KAZN: variants seen among roughly 807,000 people sequenced by gnomAD.
KAZN encodes the protein kazrin, periplakin interacting protein.
A neutral mutation model predicts 87.4 loss-of-function variants in KAZN; 40 were observed. That is an observed-to-expected ratio of 0.46 (90% confidence interval 0.36 to 0.60). KAZN has a LOEUF of 0.60. KAZN is among the 20% of genes least tolerant of loss of function. The pLI, the probability that KAZN is intolerant of heterozygous loss-of-function variation, is 0.00. For missense variants in KAZN, 898 were observed against 1,073.9 expected, an observed-to-expected ratio of 0.84 and a Z score of 2.29; for synonymous variants, 466 against 458.3, an observed-to-expected ratio of 1.02 and a Z score of -0.22.
At chr1:14,999,591 G>T (rs1004236704) in intron 2 of KAZN, among the ~76,000 whole-genome samples, 1 of 151,634 alleles carries the variant, frequency 6.6e-6, no homozygotes, top group African/African-American at 2.4e-5. Flanking sequence ...GGAGGGAGCT[G>T]CCCCGATCCA....
intron 1 of KAZN, among the ~76,000 whole-genome samples, chr1:14,150,006 C>T (rs1036330806): frequency 1.3e-5 from 2 of 152,140 alleles, no homozygotes; most frequent in African/African-American, 4.8e-5. Context: ...CTAGTCATAA[C>T]GCAACAGCAG....
At chr1:14,073,674 G>A (rs1643333655) in intron 1 of KAZN, among the ~76,000 whole-genome samples, 1 of 152,060 alleles carries the variant, frequency 6.6e-6, no homozygotes, top group African/African-American at 2.4e-5. Flanking sequence ...TCTTGTGTTA[G>A]TTTGCTGAGA....
In KAZN at chr1:15,116,872, A is replaced by G. The variant is rs1476356; in HGVS notation, c.*2237A>G. The G allele has an allele frequency of 0.95, 145,124 of 152,314 alleles. 69,181 individuals are homozygous for G. Among genetic ancestry groups the G allele is most frequent in the South Asian group, 0.99 (4,798 of 4,832 alleles). 9.4% of individuals were successfully genotyped at this position (152,314 alleles called of 1,614,324 possible). A position where few individuals can be genotyped will look rare whatever the true frequency, so the allele number is the denominator to read the frequency against. ...ACAATTGGGGGTCACTGGCAGAGACAGTATTGCCCAAAATGTTCACAGCAG... is the reference window on the plus strand; with the variant it reads ...ACAATTGGGGGTCACTGGCAGAGACGGTATTGCCCAAAATGTTCACAGCAG... On this transcript the variant is annotated 3_prime_UTR_variant, in exon 15 of 15. Transcript: ENST00000376030.
intron 1 of KAZN, among the ~76,000 whole-genome samples, chr1:14,110,392 T>A (rs956929540): frequency 2.0e-5 from 3 of 152,216 alleles, no homozygotes; most frequent in Admixed American, 6.5e-5. Context: ...CTCTAAGAAT[T>A]TAGACTTGAG....
chr1:14,338,929 G>A (rs1235275432), intron 2 of KAZN, among the ~76,000 whole-genome samples: 3 of 152,222 alleles, frequency 2.0e-5, no homozygotes, highest in African/African-American at 7.2e-5. Context: ...AGCCATGATG[G>A]AAGGGGACAC....
At chr1:14,423,849 C>T (rs1000248996) in intron 2 of KAZN, among the ~76,000 whole-genome samples, 2 of 152,152 alleles carry the variant, frequency 1.3e-5, no homozygotes, top group African/African-American at 2.4e-5. Flanking sequence ...TCTGAGAAGG[C>T]AGTCACTAGA....
intron 1 of KAZN, among the ~76,000 whole-genome samples, chr1:14,096,825 G>A (rs982854476): frequency 6.6e-6 from 1 of 152,158 alleles, no homozygotes; most frequent in African/African-American, 2.4e-5. Context: ...TCCTTAAAAC[G>A]GTAACAGGGA....
intron 1 of KAZN, among the ~76,000 whole-genome samples, chr1:14,939,763 C>T (rs1182743844): frequency 6.6e-6 from 1 of 152,278 alleles, no homozygotes; most frequent in African/African-American, 2.4e-5. Flanking sequence ...GGCACAGGCT[C>T]AGGGTCCAGG....
chr1:14,395,741 A>G (rs1662840747), intron 2 of KAZN, among the ~76,000 whole-genome samples: 1 of 152,176 alleles, frequency 6.6e-6, no homozygotes, highest in African/African-American at 2.4e-5. Context: ...TGGCGGGGCA[A>G]CAAGACTCGC....
chr1:14,685,215 A>G (rs889461142), intron 1 of KAZN, among the ~76,000 whole-genome samples: 2 of 152,220 alleles, frequency 1.3e-5, no homozygotes, highest in Non-Finnish European at 2.9e-5. Flanking sequence ...CACTGGGAGA[A>G]TGGAGCTTAA....
At chr1:14,082,162 A>C (rs1643699499) in intron 1 of KAZN, among the ~76,000 whole-genome samples, 1 of 152,204 alleles carries the variant, frequency 6.6e-6, no homozygotes, top group Non-Finnish European at 1.5e-5. Context: ...GTAAAGCAGC[A>C]TCATTCAATA....
intron 2 of KAZN, among the ~76,000 whole-genome samples, chr1:14,584,721 T>A (rs1007281088): frequency 6.6e-6 from 1 of 152,106 alleles, no homozygotes; most frequent in Non-Finnish European, 1.5e-5. Context: ...CTTGGCTCAC[T>A]GCAACCTCTG....
intron 2 of KAZN, among the ~76,000 whole-genome samples, chr1:14,233,988 T>C (rs977727284): frequency 2.6e-5 from 4 of 152,206 alleles, no homozygotes; most frequent in Non-Finnish European, 1.5e-5. Flanking sequence ...CAAGACAGTG[T>C]GGTGATTCCT....
intron 8 of KAZN, among the ~76,000 whole-genome samples, chr1:15,072,781 C>T (rs2100597511): frequency 6.6e-6 from 1 of 152,262 alleles, no homozygotes; most frequent in South Asian, 2.1e-4. Context: ...CTCCAGAGTC[C>T]ATGTTCTTGG....
At chr1:14,010,014 A>C (rs531382411) in intron 1 of KAZN, among the ~76,000 whole-genome samples, 1 of 152,328 alleles carries the variant, frequency 6.6e-6, no homozygotes, top group East Asian at 1.9e-4. Context: ...AGACTATTGT[A>C]GACAATCTAT....
chr1:14,906,953 T>G (rs563806377), intron 1 of KAZN, among the ~76,000 whole-genome samples: 61 of 151,978 alleles, frequency 4.0e-4, no homozygotes, highest in Non-Finnish European at 7.2e-4. Context: ...GTTTTGTCCC[T>G]GGGGGAAGAA....
At chr1:14,598,560 GT>G, upstream of KAZN, 1 of 586,246 alleles carries the variant, frequency 1.7e-6, no homozygotes. This position sits in a 1 kb window ranked among gnomAD's most constrained non-coding sequence, Gnocchi z 4.2. Context: ...CCCCCGGGGG[GT>G]GTGTCTCCGA....
intron 4 of KAZN, 111 bp downstream of exon 4, chr1:15,044,270 G>GGGGGGGGGGGGGGGGGCC: frequency 2.4e-6 from 1 of 413,332 alleles, no homozygotes; most frequent in Non-Finnish European, 4.2e-6. Flanking sequence ...GGTGGGTGGG[G>GGGGGGGGGGGGGGGGGCC]CAGAGCAGAA....
rs954501610 is a variant in KAZN, at chr1:15,094,660, A to T, written c.1429-155A>T. ...TGCCTGAACAGGGATTCCGCCCCACATCAGAGTTGCAGAGGTTTCCATGTG... is the reference window on the plus strand; with the variant it reads ...TGCCTGAACAGGGATTCCGCCCCACTTCAGAGTTGCAGAGGTTTCCATGTG... On this transcript the variant is annotated intron_variant, in intron 9 of 14. Transcript: ENST00000376030. The surrounding 1 kb of genome is among the most constrained non-coding windows in gnomAD (Gnocchi z 4.5). Among the ~76,000 whole-genome samples the T allele has an allele frequency of 6.6e-6, 1 of 152,220 alleles. No homozygotes were observed. Among genetic ancestry groups the T allele is most frequent in the African/African-American group, 2.4e-5 (1 of 41,460 alleles).
Sources: allele counts gnomAD v4.1 joint callset (sites outside exome capture counted in the v4.1 genomes callset), GRCh38; gene constraint gnomAD v4.1.1; non-coding constraint Gnocchi (gnomAD v3.1); transcripts MANE v1.5; gene names NCBI Gene and HGNC (gene_info 2026-07-23, HGNC 2026-07-21).